Variants in LARP1 observed in about 807,000 individuals in gnomAD.
LARP1 encodes the protein la-related protein 1.
A neutral mutation model predicts 122.7 loss-of-function variants in LARP1; 36 were observed. That is an observed-to-expected ratio of 0.29 (90% CI 0.22 to 0.39). The LOEUF is 0.39. LARP1 is among the 10% of genes least tolerant of loss of function. The pLI is 1.00. For missense variants in LARP1, 1,040 were observed against 1,403.6 expected (o/e 0.74, Z 4.14); for synonymous variants, 539 against 528.7 (o/e 1.02, Z -0.27).
At chr5:154,687,940 T>TG (rs541753685) in intron 1 of LARP1, among the ~76,000 whole-genome samples, 150 of 152,292 alleles carry the variant, frequency 9.8e-4, no homozygotes, top group Non-Finnish European at 1.8e-3. Context: ...TGGGCTCTCC[T>TG]GGGGGTCCTC....
intron 1 of LARP1, among the ~76,000 whole-genome samples, chr5:154,777,920 G>A (rs1012694245): frequency 3.3e-5 from 5 of 152,172 alleles, no homozygotes; most frequent in African/African-American, 1.2e-4. Context: ...TGTCATATTT[G>A]TGGATGGAGA....
chr5:154,789,572 A>G (rs1757180701), intron 1 of LARP1, among the ~76,000 whole-genome samples: 1 of 152,204 alleles, frequency 6.6e-6, no homozygotes, highest in African/African-American at 2.4e-5. Context: ...AGTAGAGATC[A>G]TTATCTTTTT....
At chr5:154,689,314 G>A (rs7710726) in intron 1 of LARP1, among the ~76,000 whole-genome samples, 54,759 of 152,054 alleles carry the variant, frequency 0.36, 11,197 homozygotes, top group Non-Finnish European at 0.48. Flanking sequence ...TTAGCCAGGC[G>A]TGGTGGCGGC....
At chr5:154,695,752 A>ACC (rs1754442371) in intron 1 of LARP1, among the ~76,000 whole-genome samples, 1 of 152,116 alleles carries the variant, frequency 6.6e-6, no homozygotes, top group Non-Finnish European at 1.5e-5. Context: ...GCATACCTGT[A>ACC]ATCCCAGCTA....
intron 3 of LARP1, 98 bp downstream of exon 3, chr5:154,790,808 A>G: frequency 1.8e-6 from 2 of 1,082,624 alleles, no homozygotes; most frequent in East Asian, 2.4e-5. Flanking sequence ...TACCTTTCTC[A>G]GTTTTCATTC....
In LARP1 at chr5:154,755,601, G is replaced by T. The variant is rs1247068787; in HGVS notation, c.-157G>T. ...GATTTACGGCGGCTGCATCTAACTGGGAGGGGGCCGCACCTCGCGTGAACC... is the reference window on the plus strand; with the variant it reads ...GATTTACGGCGGCTGCATCTAACTGTGAGGGGGCCGCACCTCGCGTGAACC... On this transcript the variant is annotated 5_prime_UTR_variant, in exon 1 of 19. Transcript: ENST00000518297. 1.5e-5 allele frequency: 15 copies of T among 987,424 alleles called. No homozygotes were observed. Among genetic ancestry groups the T allele is most frequent in the Non-Finnish European group, 1.8e-5 (15 of 830,192 alleles). The allele number at this position is 987,424 out of a possible 1,614,324, so 61.2% of individuals were successfully genotyped here.
intron 1 of LARP1, among the ~76,000 whole-genome samples, chr5:154,717,049 G>T (rs1329480754): frequency 7.5e-6 from 1 of 132,554 alleles, no homozygotes; most frequent in Non-Finnish European, 1.6e-5. Context: ...AAGAGAATGA[G>T]ACCCTGTCTC....
intron 1 of LARP1, among the ~76,000 whole-genome samples, chr5:154,773,842 G>C (rs1004401610): frequency 6.6e-6 from 1 of 152,208 alleles, no homozygotes; most frequent in African/African-American, 2.4e-5. Context: ...AACAAATGTG[G>C]ATAGGCAGTG....
intron 1 of LARP1, among the ~76,000 whole-genome samples, chr5:154,718,111 G>C (rs1270873090): frequency 6.6e-6 from 1 of 151,744 alleles, no homozygotes; most frequent in South Asian, 2.1e-4. Flanking sequence ...TTGTAGAAAC[G>C]GGGTCTCACT....
intron 7 of LARP1, 24 bp downstream of exon 7, chr5:154,794,286 C>T: frequency 6.2e-7 from 1 of 1,608,472 alleles, no homozygotes; most frequent in East Asian, 2.2e-5. Flanking sequence ...AGCCTTCTTA[C>T]CCTGGAGAAA....
Position 154,735,337 on chromosome 5 carries a change from A to G in LARP1, c.205+22207A>G, listed in dbSNP as rs1756814778. Among the ~76,000 whole-genome samples the G allele has an allele frequency of 4.6e-5, 7 of 151,928 alleles. No homozygotes were observed. In the South Asian group the frequency reaches 1.5e-3, roughly 31 times the overall value. On this transcript the variant is annotated intron_variant, in intron 1 of 18. Coordinates refer to the LARP1 transcript ENST00000336314. ...AGGCGTGATGGGTGCCTGTAATCCCAGCTACTCGGGAGACTAAGGCAGTAG... is the reference window on the plus strand; with the variant it reads ...AGGCGTGATGGGTGCCTGTAATCCCGGCTACTCGGGAGACTAAGGCAGTAG...
chr5:154,804,737 T>C, intron 14 of LARP1: 3 of 456,090 alleles, frequency 6.6e-6, no homozygotes, highest in Non-Finnish European at 1.3e-5. Flanking sequence ...ACCCTGCTTC[T>C]TGGGGTAGGG....
At chr5:154,699,777 C>T (rs1052596666) in intron 1 of LARP1, among the ~76,000 whole-genome samples, 3 of 152,144 alleles carry the variant, frequency 2.0e-5, no homozygotes, top group Non-Finnish European at 4.4e-5. Flanking sequence ...ACAAATGGGT[C>T]TACCCCAGCA....
At chr5:154,688,537 C>A (rs1754042407) in intron 1 of LARP1, among the ~76,000 whole-genome samples, 1 of 150,618 alleles carries the variant, frequency 6.6e-6, no homozygotes, top group Non-Finnish European at 1.5e-5. Flanking sequence ...TGCCGGTCAT[C>A]CTAGCTACTT....
At chr5:154,758,311 T>A (rs1040929822) in intron 1 of LARP1, among the ~76,000 whole-genome samples, 2 of 152,178 alleles carry the variant, frequency 1.3e-5, no homozygotes, top group African/African-American at 4.8e-5. Flanking sequence ...TTGCTTTAAG[T>A]GCCCAAAGCA....
At chr5:154,755,104 T>G (rs956587280), upstream of LARP1, among the ~76,000 whole-genome samples, 1 of 151,380 alleles carries the variant, frequency 6.6e-6, no homozygotes, top group Non-Finnish European at 1.5e-5. Context: ...ATCAGGCACG[T>G]GCTCGCCCCC....
chr5:154,762,197 C>T (rs960908103), intron 1 of LARP1, among the ~76,000 whole-genome samples: 1 of 151,988 alleles, frequency 6.6e-6, no homozygotes, highest in Admixed American at 6.6e-5. Context: ...GAGCTGAGAT[C>T]GTGCCACTGC....
At chr5:154,780,724 G>A (rs1756354435) in intron 1 of LARP1, among the ~76,000 whole-genome samples, 1 of 152,150 alleles carries the variant, frequency 6.6e-6, no homozygotes, top group African/African-American at 2.4e-5. Context: ...GGATTCAGAA[G>A]CCTCTTCCAA....
At chr5:154,699,604 CAG>C (rs1231965171) in intron 1 of LARP1, among the ~76,000 whole-genome samples, 6 of 152,132 alleles carry the variant, frequency 3.9e-5, no homozygotes, top group African/African-American at 1.2e-4. Context: ...AAAGAATAGA[CAG>C]GGGAAATTGA....
Sources: allele counts gnomAD v4.1 joint callset (sites outside exome capture counted in the v4.1 genomes callset), GRCh38; gene constraint gnomAD v4.1.1; transcripts MANE v1.5; gene names NCBI Gene and HGNC (gene_info 2026-07-23, HGNC 2026-07-21).